Variants in NSD2 observed in about 807,000 individuals in gnomAD.
NSD2 encodes the protein nuclear receptor binding SET domain protein 2.
A neutral mutation model predicts 139.0 loss-of-function variants in NSD2; 12 were observed. The ratio of observed to expected loss-of-function variants is 0.09; its 90% CI spans 0.06 to 0.14. NSD2 has a LOEUF of 0.14. NSD2 is among the 10% of genes least tolerant of loss of function. The pLI is 1.00. For synonymous variants in NSD2, 669 were observed against 648.7 expected, an observed-to-expected ratio of 1.03 and a Z score of -0.48; for missense variants, 1,155 against 1,745.0, an observed-to-expected ratio of 0.66 and a Z score of 6.02.
At chr4:1,943,812 A>G (rs1046324296) in intron 9 of NSD2, 4 of 1,062,612 alleles carry the variant, frequency 3.8e-6, no homozygotes, top group Non-Finnish European at 4.6e-6. Flanking sequence ...ACCCAAAGTA[A>G]AGACTCTATC....
At chr4:1,959,387 G>C in intron 16 of NSD2, 84 bp from the exon 17 acceptor site, 1 of 1,529,802 alleles carries the variant, frequency 6.5e-7, no homozygotes, top group South Asian at 1.3e-5. Flanking sequence ...CTGGAGGCTG[G>C]GTAAGGAGAG....
rs1307734061 is a variant in NSD2 at position 1,976,050 on chromosome 4, G to A, written c.3622-425G>A. The stretch of plus-strand genomic sequence containing the variant: ...GCCGGTGTCTGTCCTCAGCCGTGTT[G>A]CTGAGGATGGTCACTGCCCTCAGGT... On this transcript the variant is annotated intron_variant, in intron 20 of 21. Transcript: ENST00000508803. This position sits in a 1 kb window ranked among gnomAD's most constrained non-coding sequence, Gnocchi z 5.3. Among the ~76,000 whole-genome samples, 1 of 152,172 alleles carries A rather than the reference G, an allele frequency of 6.6e-6. No individual in the cohort carries two copies. The highest frequency in any genetic ancestry group is 1.5e-5 in the Non-Finnish European group (1 of 68,022).
At chr4:1,951,415 G>T (rs1472868929) in intron 10 of NSD2, among the ~76,000 whole-genome samples, 1 of 138,352 alleles carries the variant, frequency 7.2e-6, no homozygotes, top group Admixed American at 7.4e-5. Flanking sequence ...TTCACATGTA[G>T]GATGAGATTT....
In NSD2 at chr4:1,980,953, A is replaced by G; in HGVS notation, c.*2044A>G. 4.3e-6 allele frequency: 1 copy of G among 233,304 alleles called. No homozygotes were observed. The highest frequency in any genetic ancestry group is 5.6e-5 in the Admixed American group (1 of 17,808). The allele number at this position is 233,304 out of a possible 1,614,324, so 14.5% of individuals were successfully genotyped here. On this transcript the variant is annotated 3_prime_UTR_variant, in exon 22 of 22. Transcript: ENST00000508803. Reference sequence around the variant, plus strand: ...CGGGCAGTGTCCCCACACACACCTTAGAGTCGAAGGCCCCAGGGCCCCGCT... The same window carrying G: ...CGGGCAGTGTCCCCACACACACCTTGGAGTCGAAGGCCCCAGGGCCCCGCT...
At chr4:1,901,807 AG>A (rs1288370402) in intron 2 of NSD2, among the ~76,000 whole-genome samples, 2 of 152,218 alleles carry the variant, frequency 1.3e-5, no homozygotes. Flanking sequence ...CCTGAGGCCT[AG>A]GGATGTGTCT....
chr4:1,942,896 C>T lies in NSD2; in HGVS notation c.1881+3118C>T. Reference sequence around the variant, plus strand: ...TTGTAGATACTACACTAATTTCCAACATAAGAGGCAGGAAGAGTTTTGATT... The same window carrying T: ...TTGTAGATACTACACTAATTTCCAATATAAGAGGCAGGAAGAGTTTTGATT... On this transcript the variant is annotated intron_variant, in intron 9 of 21. Coordinates refer to ENST00000508803, the MANE Select transcript of NSD2 (RefSeq NM_001042424.3). This position sits in a 1 kb window ranked among gnomAD's most constrained non-coding sequence, Gnocchi z 4.0. 3.8e-6 allele frequency: 4 copies of T among 1,059,024 alleles called. No homozygotes were observed. The highest frequency in any genetic ancestry group is 4.6e-6 in the Non-Finnish European group (4 of 875,456). The allele number at this position is 1,059,024 out of a possible 1,614,324, so 65.6% of individuals were successfully genotyped here.
chr4:1,953,741 C>T (rs576697972), intron 12 of NSD2, among the ~76,000 whole-genome samples: 1 of 152,096 alleles, frequency 6.6e-6, no homozygotes, highest in African/African-American at 2.4e-5. Context: ...AGATGCTTAA[C>T]TATAGGAGAG....
At chr4:1,970,924 G>A (rs1316133916) in intron 18 of NSD2, among the ~76,000 whole-genome samples, 1 of 152,246 alleles carries the variant, frequency 6.6e-6, no homozygotes, top group African/African-American at 2.4e-5. Context: ...AGCAAGACAT[G>A]AATGTGTTCT....
At chr4:1,886,632 C>A (rs1160378398) in intron 1 of NSD2, among the ~76,000 whole-genome samples, 1 of 152,062 alleles carries the variant, frequency 6.6e-6, no homozygotes, top group African/African-American at 2.4e-5. Context: ...GAGATCAAGA[C>A]CATCCTAGCC....
intron 12 of NSD2, 21 bp downstream of exon 12, chr4:1,953,545 C>A: frequency 6.3e-7 from 1 of 1,582,914 alleles, no homozygotes. Context: ...ACCTGCGCAG[C>A]CTTGCTGTGG....
rs1007153822 is a variant in NSD2, at chr4:1,980,025, G to A, written c.*1116G>A. 2 of 232,906 alleles carry A rather than the reference G, an allele frequency of 8.6e-6. No individual in the cohort carries two copies. Among genetic ancestry groups the A allele is most frequent in the African/African-American group, 4.4e-5 (2 of 45,320 alleles). 14.4% of individuals were successfully genotyped at this position (232,906 alleles called of 1,614,324 possible). A position where few individuals can be genotyped will look rare whatever the true frequency, so the allele number is the denominator to read the frequency against. ...TTCCATCTCAGCACTCTGTGGGTCTGGTGATGGAAGATGCAGTCTCTGCTG... is the reference window on the plus strand; with the variant it reads ...TTCCATCTCAGCACTCTGTGGGTCTAGTGATGGAAGATGCAGTCTCTGCTG... On this transcript the variant is annotated 3_prime_UTR_variant, in exon 22 of 22. Coordinates refer to ENST00000508803, the MANE Select transcript of NSD2 (RefSeq NM_001042424.3).
chr4:1,918,068 A>G, intron 4 of NSD2, 73 bp from the exon 5 acceptor site: 1 of 1,521,288 alleles, frequency 6.6e-7, no homozygotes, highest in Non-Finnish European at 8.8e-7. Flanking sequence ...GGCATGAATC[A>G]TGTGCCTAGG....
At position 1,973,796 on chromosome 4, in the gene NSD2, T is replaced by C. The variant is rs148551012; in HGVS notation, c.3373-1067T>C. ...TGTTTATCCCTGTTCACACACGTGG[T>C]TTTGTTTGAACACGTGACTGTTACG... On this transcript the variant is annotated intron_variant, in intron 18 of 21. Coordinates refer to ENST00000508803, the MANE Select transcript of NSD2 (RefSeq NM_001042424.3). This position sits in a 1 kb window ranked among gnomAD's most constrained non-coding sequence, Gnocchi z 5.5. Among the ~76,000 whole-genome samples, 824 of 152,332 alleles carry C rather than the reference T, an allele frequency of 5.4e-3. 3 individuals are homozygous for C. Among genetic ancestry groups the C allele is most frequent in the Admixed American group, 7.3e-3 (111 of 15,308 alleles).
chr4:1,955,791 A>C lies in NSD2; in HGVS notation c.2617A>C (p.Arg873=). The stretch of plus-strand genomic sequence containing the variant: ...CGGCAGCTGGTTCTGCAATGACTGC[A>C]GGGCTGGGAAGAAGCTGCACTTCCA... ...PDGSWFCNDC[R]AGKKLHFQDI... Residue 873 remains arginine, a synonymous_variant, in exon 14 of 22, where the codon AGG becomes CGG. Transcript: ENST00000508803. This position sits in a 1 kb window ranked among gnomAD's most constrained non-coding sequence, Gnocchi z 4.7. 1.9e-6 allele frequency: 3 copies of C among 1,614,226 alleles called. 1 individual carries two copies.
chr4:1,925,966 C>T (rs1441247506), intron 5 of NSD2, among the ~76,000 whole-genome samples: 1 of 151,514 alleles, frequency 6.6e-6, no homozygotes. Context: ...CCACGCCTGG[C>T]TAACTTTTCT....
intron 9 of NSD2, chr4:1,940,363 C>G: frequency 9.4e-7 from 1 of 1,067,220 alleles, no homozygotes; most frequent in Middle Eastern, 4.2e-4. Flanking sequence ...GTGTTCTGGA[C>G]TTGCAGAGTA....
At chr4:1,873,756 T>C (rs1714044969) in intron 1 of NSD2, among the ~76,000 whole-genome samples, 1 of 151,972 alleles carries the variant, frequency 6.6e-6, no homozygotes, top group African/African-American at 2.4e-5. Flanking sequence ...GGAATTAGGC[T>C]TACTAAGCTA....
intron 1 of NSD2, among the ~76,000 whole-genome samples, chr4:1,891,789 G>T (rs1218573769): frequency 6.6e-6 from 1 of 151,156 alleles, no homozygotes; most frequent in Non-Finnish European, 1.5e-5. Flanking sequence ...CACGGGAGGC[G>T]GAGCTTGCAG....
chr4:1,922,142 G>T (rs1019568566), intron 5 of NSD2, among the ~76,000 whole-genome samples: 1 of 152,136 alleles, frequency 6.6e-6, no homozygotes, highest in Non-Finnish European at 1.5e-5. Flanking sequence ...ATGAGTCTTC[G>T]TCTCCAAGAA....
Sources: gnomAD v4.1 joint callset for allele counts (sites outside exome capture counted in the v4.1 genomes callset) on GRCh38, gnomAD v4.1.1 for gene constraint, Gnocchi (gnomAD v3.1) non-coding constraint, MANE v1.5 for transcripts, NCBI Gene and HGNC (gene_info 2026-07-23, HGNC 2026-07-21) for gene names.